Variants in ASAH2 observed in about 807,000 individuals in gnomAD.
ASAH2 encodes the protein N-acylsphingosine amidohydrolase 2, also known as neutral ceramidase.
ASAH2 carries 58 observed loss-of-function variants against 82.9 expected under a neutral mutation model. That is an observed-to-expected ratio of 0.70 (90% CI 0.57 to 0.87). The LOEUF is 0.87. ASAH2 is among the 40% of genes least tolerant of loss of function. The probability of loss-of-function intolerance (pLI) is 0.00; values close to 1 mark genes in which losing one functional copy is unlikely to be tolerated. For missense variants in ASAH2, 779 were observed against 834.0 expected (o/e 0.93, Z 0.81); for synonymous variants, 276 against 289.7 (o/e 0.95, Z 0.48).
chr10:50,221,698 GGATAGATAGATA>G (rs199560545), intron 7 of ASAH2, among the ~76,000 whole-genome samples: 2,579 of 147,340 alleles, frequency 0.018, 35 homozygotes, highest in Non-Finnish European at 0.025. Context: ...ATAGATGGAT[GGATAGATAGATA>G]GATAGATAGA....
intron 7 of ASAH2, among the ~76,000 whole-genome samples, chr10:50,229,961 A>G (rs1187137847): frequency 6.6e-6 from 1 of 152,148 alleles, no homozygotes; most frequent in Non-Finnish European, 1.5e-5. Flanking sequence ...CTGAAGTCCT[A>G]TAAGGGCAGC....
At chr10:50,229,693 C>T (rs1212199283) in intron 7 of ASAH2, among the ~76,000 whole-genome samples, 3 of 152,158 alleles carry the variant, frequency 2.0e-5, no homozygotes, top group African/African-American at 7.2e-5. Flanking sequence ...GCCACACTCA[C>T]CTTTTACCAG....
chr10:50,213,309 A>C (rs1474785547), intron 9 of ASAH2, among the ~76,000 whole-genome samples: 2 of 152,118 alleles, frequency 1.3e-5, no homozygotes, highest in African/African-American at 4.8e-5. Flanking sequence ...AGGTTAAAAG[A>C]TGTGTTGCTG....
chr10:50,210,936 A>G lies in ASAH2; in HGVS notation c.1333-32T>C, dbSNP rs1845439214. 15 of 1,609,314 alleles carry G rather than the reference A, an allele frequency of 9.3e-6. No individual in the cohort carries two copies. The South Asian group carries it at 1.6e-4, about 18-fold the overall frequency. ...GAAAAGTTTTAAAAACAAAACAAAAATGAAAAAGACAAAAGTTAAACTGAA... is the reference window on the plus strand; with the variant it reads ...GAAAAGTTTTAAAAACAAAACAAAAGTGAAAAAGACAAAAGTTAAACTGAA... On this transcript the variant is annotated intron_variant, in intron 11 of 20. Transcript: ENST00000682911.
intron 7 of ASAH2, among the ~76,000 whole-genome samples, chr10:50,229,125 C>T (rs1293745832): frequency 6.6e-6 from 1 of 152,074 alleles, no homozygotes; most frequent in Admixed American, 6.6e-5. Flanking sequence ...GTTTTGCTTT[C>T]TCCCTTCATG....
chr10:50,233,237 T>G lies in ASAH2; in HGVS notation c.840A>C (p.Glu280Asp). 3 of 1,611,706 alleles carry G rather than the reference T, an allele frequency of 1.9e-6. No individual in the cohort carries two copies. The highest frequency in any genetic ancestry group is 2.5e-6 in the Non-Finnish European group (3 of 1,178,054). Residue 280 changes from glutamate (E) to aspartate (D), a missense_variant, in exon 7 of 21, where the codon GAA becomes GAC. Physicochemically the swap from Glu to Asp is conservative, Grantham distance 45. Transcript: ENST00000682911. ...AATCTACCATTTTCAAAACTATCAT[T>G]TCCTTGTCTGTATTTGAAGAATACC... ...RARYSSNTDK[E>D]MIVLKMVDLN... is the part of the protein sequence containing the mutation.
rs1235762664 is a variant in ASAH2 at position 50,218,606 on chromosome 10, G to A, written c.918C>T (p.Ser306=). Residue 306 remains serine (S), a synonymous_variant, in exon 8 of 21, where the codon AGC becomes AGT. Coordinates refer to ENST00000682911, the MANE Select transcript of ASAH2 (RefSeq NM_019893.4). The part of the protein sequence containing the change: ...LISWFAIHPV[S]MNNSNHLVNS... ...TTACAAGATGGTTACTGTTGTTCAT[G>A]CTGACCGGGTGGATGGCAAACCAGC... 1 of 1,613,796 alleles carries A rather than the reference G, an allele frequency of 6.2e-7. No individual in the cohort carries two copies.
At chr10:50,210,550 C>T (rs1845425454) in intron 12 of ASAH2, among the ~76,000 whole-genome samples, 2 of 151,650 alleles carry the variant, frequency 1.3e-5, no homozygotes, top group Non-Finnish European at 2.9e-5. Flanking sequence ...AAAGATGATG[C>T]TAAGTGAAAG....
chr10:50,216,985 T>C (rs1223046837), intron 8 of ASAH2, among the ~76,000 whole-genome samples: 1 of 152,168 alleles, frequency 6.6e-6, no homozygotes, highest in African/African-American at 2.4e-5. Flanking sequence ...AAACTCATGT[T>C]GAAATTTGAT....
At chr10:50,244,524 C>T (rs1171204813) in intron 3 of ASAH2, among the ~76,000 whole-genome samples, 2 of 152,132 alleles carry the variant, frequency 1.3e-5, no homozygotes, top group South Asian at 2.1e-4. Context: ...GAGTGAATCC[C>T]ATCAGACAAC....
chr10:50,244,920 A>G (rs1217140622), intron 3 of ASAH2, among the ~76,000 whole-genome samples: 5 of 151,668 alleles, frequency 3.3e-5, no homozygotes, highest in Non-Finnish European at 7.4e-5. Context: ...TTCTTATGTT[A>G]CACTGGCCTG....
chr10:50,233,094 G>T, intron 7 of ASAH2, 90 bp downstream of exon 7: 2 of 1,005,462 alleles, frequency 2.0e-6, no homozygotes, highest in Non-Finnish European at 3.2e-6. Flanking sequence ...TATTCTCAGT[G>T]TGTGCTGGTA....
intron 18 of ASAH2, among the ~76,000 whole-genome samples, chr10:50,193,196 A>C (rs1844886762): frequency 6.6e-6 from 1 of 150,418 alleles, no homozygotes; most frequent in African/African-American, 2.4e-5. Flanking sequence ...TATATTAAAC[A>C]ATGGATTTTC....
intron 18 of ASAH2, among the ~76,000 whole-genome samples, chr10:50,194,604 G>A (rs1844926469): frequency 1.3e-5 from 2 of 150,986 alleles, no homozygotes; most frequent in Non-Finnish European, 3.0e-5. Flanking sequence ...ACATTGGATT[G>A]GATCTTCAGC....
chr10:50,227,144 A>C (rs1399297417), intron 7 of ASAH2, among the ~76,000 whole-genome samples: 9 of 152,192 alleles, frequency 5.9e-5, no homozygotes, highest in African/African-American at 1.7e-4. Context: ...AGTACAAAAG[A>C]AATAACTAAA....
chr10:50,195,628 G>A (rs1844955170), intron 18 of ASAH2, among the ~76,000 whole-genome samples: 2 of 151,666 alleles, frequency 1.3e-5, no homozygotes, highest in Non-Finnish European at 3.0e-5. Flanking sequence ...CAATAGCCAA[G>A]ATATGAAACA....
In ASAH2 at chr10:50,251,302, G is replaced by A. The variant is rs566929186; in HGVS notation, c.-37+93C>T. ...GGGTTCCAAAGCTATGAGATAAATT[G>A]AAGCTTTAGGGTCTCTTCAAGATCT... On this transcript the variant is annotated intron_variant, in intron 1 of 20. Coordinates refer to ENST00000682911, the MANE Select transcript of ASAH2 (RefSeq NM_019893.4). Among the ~76,000 whole-genome samples, 3 of 152,218 alleles carry A rather than the reference G, an allele frequency of 2.0e-5. No homozygotes were observed. In the South Asian group the frequency reaches 6.2e-4, roughly 32 times the overall value.
chr10:50,213,403 G>A (rs1241202154), intron 9 of ASAH2, among the ~76,000 whole-genome samples: 10 of 152,070 alleles, frequency 6.6e-5, no homozygotes, highest in African/African-American at 1.9e-4. Context: ...GCTTGTTCTT[G>A]CCTCTGATTC....
intron 7 of ASAH2, among the ~76,000 whole-genome samples, chr10:50,224,333 AATG>A (rs1236417314): frequency 2.0e-5 from 3 of 152,132 alleles, no homozygotes; most frequent in Admixed American, 6.6e-5. Context: ...AGATGATGAT[AATG>A]ATGATAAAGG....
Sources: allele counts gnomAD v4.1 joint callset (sites outside exome capture counted in the v4.1 genomes callset), GRCh38; gene constraint gnomAD v4.1.1; transcripts MANE v1.5; gene names NCBI Gene and HGNC (gene_info 2026-07-23, HGNC 2026-07-21).